KCTD14: variants seen among roughly 807,000 people sequenced by gnomAD.
KCTD14 encodes the protein potassium channel tetramerization domain containing 14.
In KCTD14, 7 loss-of-function variants were observed where a neutral mutation model predicts 5.9. The ratio of observed to expected loss-of-function variants is 1.19; its 90% CI spans 0.68 to 2.23. KCTD14 has a LOEUF of 2.23. Ranked by LOEUF, KCTD14 falls within the 30% of genes most tolerant of loss-of-function variation. KCTD14 has a pLI of 0.00. For synonymous variants in KCTD14, 140 were observed against 133.1 expected, an observed-to-expected ratio of 1.05 and a Z score of -0.36; for missense variants, 342 against 332.2, an observed-to-expected ratio of 1.03 and a Z score of -0.23.
intron 1 of KCTD14, among the ~76,000 whole-genome samples, chr11:78,018,780 G>A (rs1206399541): frequency 6.6e-6 from 1 of 152,090 alleles, no homozygotes; most frequent in Non-Finnish European, 1.5e-5. Context: ...TCCAACCTGG[G>A]ATGCTCAACT....
chr11:78,041,696 C>T (rs934435407), intron 1 of KCTD14, among the ~76,000 whole-genome samples: 8 of 152,280 alleles, frequency 5.3e-5, no homozygotes, highest in East Asian at 1.9e-4. Flanking sequence ...GCTGAGCTTT[C>T]GCTCACCATC....
chr11:78,019,023 TTTC>T (rs1857244200), intron 1 of KCTD14, among the ~76,000 whole-genome samples: 1 of 135,312 alleles, frequency 7.4e-6, no homozygotes, highest in Non-Finnish European at 1.5e-5. Flanking sequence ...AATTTTTTCT[TTTC>T]TTTTTTTTTT....
intron 1 of KCTD14, among the ~76,000 whole-genome samples, chr11:78,042,946 G>T (rs984819718): frequency 7.9e-5 from 12 of 152,358 alleles, no homozygotes; most frequent in African/African-American, 2.6e-4. Context: ...TTATGCAAAT[G>T]ATTTCCCTAC....
chr11:78,042,217 AATG>A (rs1243057398), intron 1 of KCTD14, among the ~76,000 whole-genome samples: 1 of 152,220 alleles, frequency 6.6e-6, no homozygotes, highest in African/African-American at 2.4e-5. Context: ...TCATAGTTTA[AATG>A]ATAATGGCTG....
chr11:78,033,800 C>T (rs1036736923), intron 2 of KCTD14, among the ~76,000 whole-genome samples: 1 of 145,386 alleles, frequency 6.9e-6, no homozygotes, highest in Non-Finnish European at 1.5e-5. Context: ...GAGCCGAGAT[C>T]ACACCACTGC....
At chr11:78,032,636 T>C (rs1166924712) in intron 2 of KCTD14, among the ~76,000 whole-genome samples, 4 of 125,718 alleles carry the variant, frequency 3.2e-5, no homozygotes, top group African/African-American at 1.2e-4. Context: ...AGGACAGTAC[T>C]GCCCTACTCC....
At chr11:78,030,371 C>T (rs912245322) in intron 2 of KCTD14, among the ~76,000 whole-genome samples, 60 of 152,310 alleles carry the variant, frequency 3.9e-4, no homozygotes, top group Admixed American at 2.0e-4. Context: ...GAGCAGGGCT[C>T]TAGTTTCGGC....
upstream of KCTD14, among the ~76,000 whole-genome samples, chr11:78,025,085 CGT>C (rs1163862866): frequency 0.033 from 2,939 of 88,786 alleles, 88 homozygotes; most frequent in East Asian, 0.051. Context: ...TATATACACA[CGT>C]GTGTGTGTGT....
Position 78,018,920 on chromosome 11 carries a change from C to T in KCTD14, c.91-1650G>A, listed in dbSNP as rs139410745. Among the ~76,000 whole-genome samples, 172 of 152,256 alleles carry T rather than the reference C, an allele frequency of 1.1e-3. 2 individuals are homozygous for T. Among genetic ancestry groups the T allele is most frequent in the Middle Eastern group, 6.8e-3 (2 of 294 alleles). ...TTGGGTATTTACTATGTATCCACATCCTGTGCTGGGAGTTGGGGACAAACA... is the reference window on the plus strand; with the variant it reads ...TTGGGTATTTACTATGTATCCACATTCTGTGCTGGGAGTTGGGGACAAACA... On this transcript the variant is annotated intron_variant, in intron 1 of 1. Transcript: ENST00000353172.
At chr11:78,024,805 C>T (rs894446277), upstream of KCTD14, among the ~76,000 whole-genome samples, 13 of 151,334 alleles carry the variant, frequency 8.6e-5, no homozygotes, top group African/African-American at 2.4e-4. Context: ...ATTAGCTGGG[C>T]GTGGTGGTGG....
Position 78,016,222 on chromosome 11 carries a change from G to A in KCTD14, c.*371C>T, listed in dbSNP as rs1349800310. ...GGATTGGACCCCAAGCTGGGGCTAT[G>A]TAGACTACATCTTTAGGTCAGAACA... On this transcript the variant is annotated 3_prime_UTR_variant, in exon 2 of 2. Coordinates refer to ENST00000353172, the MANE Select transcript of KCTD14 (RefSeq NM_023930.4). 6.5e-5 allele frequency: 17 copies of A among 262,876 alleles called. No individual in the cohort carries two copies. In the Admixed American group the frequency reaches 8.1e-4, roughly 13 times the overall value. 16.3% of individuals were successfully genotyped at this position (262,876 alleles called of 1,614,324 possible).
At position 78,031,732 on chromosome 11, in the gene KCTD14, G is replaced by A. The variant is rs544593162; in HGVS notation, c.-1+6932C>T. Among the ~76,000 whole-genome samples, 55 of 152,294 alleles carry A rather than the reference G, an allele frequency of 3.6e-4. 1 individual carries two copies. The highest frequency in any genetic ancestry group is 1.2e-3 in the African/African-American group (50 of 41,566). On this transcript the variant is annotated intron_variant, in intron 2 of 2. Coordinates refer to the KCTD14 transcript ENST00000533144. ...GGAGGAACACATATTTGCCTACTGTGTGTCAATCATGGCACCAGGCACTGG... is the reference window on the plus strand; with the variant it reads ...GGAGGAACACATATTTGCCTACTGTATGTCAATCATGGCACCAGGCACTGG...
upstream of KCTD14, among the ~76,000 whole-genome samples, chr11:78,025,118 GTATA>G (rs369374652): frequency 3.7e-3 from 163 of 44,426 alleles, no homozygotes; most frequent in Middle Eastern, 0.027. Context: ...GTGTGTGTGT[GTATA>G]TATATATATA....
intron 2 of KCTD14, among the ~76,000 whole-genome samples, chr11:78,038,070 T>A (rs1199697511): frequency 1.3e-5 from 2 of 151,488 alleles, no homozygotes; most frequent in Non-Finnish European, 2.9e-5. Flanking sequence ...TAAGGCACTC[T>A]GCCCCCCACA....
chr11:78,025,108 GTGTGTGTGTGTATA>G (rs1466445295), upstream of KCTD14, among the ~76,000 whole-genome samples: 4 of 67,606 alleles, frequency 5.9e-5, no homozygotes, highest in African/African-American at 2.4e-4. Flanking sequence ...GTGTGTGTGT[GTGTGTGTGTGTATA>G]TATATATATA....
In KCTD14 at chr11:78,016,296, T is replaced by G. The variant is rs1721337776; in HGVS notation, c.*297A>C. ...GTTCCTGTTGTCATCTCACATCTCT[T>G]GCCAACGCATTGTTGAAACATTCTT... On this transcript the variant is annotated 3_prime_UTR_variant, in exon 2 of 2. Transcript: ENST00000353172. 1 of 424,524 alleles carries G rather than the reference T, an allele frequency of 2.4e-6. No homozygotes were observed. The highest frequency in any genetic ancestry group is 4.0e-5 in the Admixed American group (1 of 24,812). 26.3% of individuals were successfully genotyped at this position (424,524 alleles called of 1,614,324 possible).
In KCTD14 at chr11:78,018,098, A is replaced by G. The variant is rs567366159; in HGVS notation, c.91-828T>C. Among the ~76,000 whole-genome samples, 41 of 152,244 alleles carry G rather than the reference A, an allele frequency of 2.7e-4. 1 individual carries two copies. The South Asian group carries it at 8.5e-3, about 32-fold the overall frequency. On this transcript the variant is annotated intron_variant, in intron 1 of 1. Transcript: ENST00000353172. ...GGTGACAGAGTAAGACTCTGTCTCAAAAAACCAACAATAACAACAACAACA... is the reference window on the plus strand; with the variant it reads ...GGTGACAGAGTAAGACTCTGTCTCAGAAAACCAACAATAACAACAACAACA...
intron 1 of KCTD14, among the ~76,000 whole-genome samples, chr11:78,043,835 T>C (rs1366891534): frequency 6.6e-6 from 1 of 152,176 alleles, no homozygotes; most frequent in Non-Finnish European, 1.5e-5. Flanking sequence ...GGAAGTCTCT[T>C]CTGGCTCGAG....
intron 2 of KCTD14, among the ~76,000 whole-genome samples, chr11:78,035,104 T>TAA (rs1362455799): frequency 6.6e-6 from 1 of 152,178 alleles, no homozygotes; most frequent in Non-Finnish European, 1.5e-5. Flanking sequence ...CTTTTTGACT[T>TAA]ACGCCACTTT....
Sources: gnomAD v4.1 joint callset for allele counts (sites outside exome capture counted in the v4.1 genomes callset) on GRCh38, gnomAD v4.1.1 for gene constraint, MANE v1.5 for transcripts, NCBI Gene and HGNC (gene_info 2026-07-23, HGNC 2026-07-21) for gene names.